NPAS1: variants seen among roughly 807,000 people sequenced by gnomAD.
The protein encoded by NPAS1 is neuronal PAS domain protein 1, also known as neuronal PAS domain-containing protein 1.
NPAS1 carries 29 observed loss-of-function variants against 49.2 expected under a neutral mutation model. The observed-to-expected ratio is 0.59, with a 90% CI of 0.44 to 0.80. The LOEUF (loss-of-function observed/expected upper bound fraction) is 0.80, where lower values mean the gene tolerates loss of function less well. Ranked by LOEUF, NPAS1 falls within the 30% of genes least tolerant of loss-of-function variation. The probability of loss-of-function intolerance (pLI) is 0.00; values close to 1 mark genes in which losing one functional copy is unlikely to be tolerated. For synonymous variants in NPAS1, 408 were observed against 380.4 expected, an observed-to-expected ratio of 1.07 and a Z score of -0.84; for missense variants, 825 against 835.5, an observed-to-expected ratio of 0.99 and a Z score of 0.15.
In NPAS1 at chr19:47,045,427, G is replaced by A. The variant is rs1481614401; in HGVS notation, c.1549G>A (p.Gly517Arg). The A allele has an allele frequency of 1.9e-6, 3 of 1,605,438 alleles. No individual in the cohort carries two copies. The highest frequency in any genetic ancestry group is 2.2e-5 in the South Asian group (2 of 90,372). Residue 517 changes from glycine to arginine, a missense_variant, in exon 12 of 12, where the codon GGG becomes AGG. Physicochemically the swap from Gly to Arg is moderately radical, Grantham distance 125. Coordinates refer to ENST00000602212, the MANE Select transcript of NPAS1 (RefSeq NM_002517.4). ...PVRPWGLAPP[G>R]DPPPTLLHAG... Reference sequence around the variant, plus strand: ...GCGGCCATGGGGCCTGGCGCCTCCCGGGGACCCCCCGCCCACCCTCCTGCA... The same window carrying A: ...GCGGCCATGGGGCCTGGCGCCTCCCAGGGACCCCCCGCCCACCCTCCTGCA...
intron 1 of NPAS1, 80 bp from the exon 2 acceptor site, chr19:47,020,926 T>G: frequency 2.9e-6 from 1 of 348,016 alleles, no homozygotes; most frequent in Non-Finnish European, 4.8e-6. Context: ...GCTGGGACCC[T>G]GAGCCCTGCA....
At chr19:47,040,393 C>A in intron 8 of NPAS1, 51 bp from the exon 9 acceptor site, 1 of 1,310,184 alleles carries the variant, frequency 7.6e-7, no homozygotes, top group Non-Finnish European at 1.1e-6. Flanking sequence ...CTCTGCCTCT[C>A]CCCCAACCCC....
intron 7 of NPAS1, 69 bp downstream of exon 7, chr19:47,039,220 A>G (rs1248949674): frequency 1.3e-6 from 2 of 1,505,836 alleles, no homozygotes; most frequent in Non-Finnish European, 1.8e-6. Flanking sequence ...GACCGAGGGA[A>G]CCAGGCTGGT....
chr19:47,038,847 G>A lies in NPAS1; in HGVS notation c.689-189G>A, dbSNP rs535075090. 6.6e-5 allele frequency among the ~76,000 whole-genome samples: 10 copies of A among 152,108 alleles called. No homozygotes were observed. The East Asian group carries it at 7.7e-4, about 12-fold the overall frequency. On this transcript the variant is annotated intron_variant, in intron 6 of 11. Coordinates refer to ENST00000602212, the MANE Select transcript of NPAS1 (RefSeq NM_002517.4). Reference sequence around the variant, plus strand: ...TCTCAAAAAAAAAAAGAAAGGATGCGGATGGCTGCCACATAGGGGAGCCCA... The same window carrying A: ...TCTCAAAAAAAAAAAGAAAGGATGCAGATGGCTGCCACATAGGGGAGCCCA...
intron 11 of NPAS1, among the ~76,000 whole-genome samples, chr19:47,044,761 G>C (rs1217926768): frequency 2.0e-5 from 3 of 152,192 alleles, no homozygotes; most frequent in Non-Finnish European, 4.4e-5. Flanking sequence ...CGGGCACAGT[G>C]GCTCACGCCT....
rs1024111200 is a variant in NPAS1, at chr19:47,021,260, A to T, written c.122+91A>T. 8.3e-7 allele frequency: 1 copy of T among 1,208,232 alleles called. No homozygotes were observed. The highest frequency in any genetic ancestry group is 1.1e-6 in the Non-Finnish European group (1 of 887,120). The allele number at this position is 1,208,232 out of a possible 1,614,324, so 74.8% of individuals were successfully genotyped here. On this transcript the variant is annotated intron_variant, in intron 2 of 11. Transcript: ENST00000602212. The surrounding 1 kb of genome is among the most constrained non-coding windows in gnomAD (Gnocchi z 5.7). ...GTCCCCGTGCCAAGGGGCAGTTCAC[A>T]CCCAGCTCCCTGACCCGCCCCTTAG...
chr19:47,028,280 G>T (rs1193343412), intron 3 of NPAS1, among the ~76,000 whole-genome samples: 4 of 152,020 alleles, frequency 2.6e-5, no homozygotes, highest in African/African-American at 9.7e-5. Flanking sequence ...TGAGGGAGGG[G>T]GTCCCCGTCA....
intron 10 of NPAS1, 47 bp downstream of exon 10, chr19:47,041,172 G>A: frequency 6.8e-7 from 1 of 1,478,236 alleles, no homozygotes. Flanking sequence ...GGGCCCTGCT[G>A]TCTCTCCCCA....
Position 47,020,986 on chromosome 19 carries a change from CT to C in NPAS1, c.-42-19del, listed in dbSNP as rs1725792220. The stretch of plus-strand genomic sequence containing the variant: ...CTCCCGAGGGCACTAAGCGTTGCCC[CT>C]GGCCCCCTCCCGCTGCAGGAGACTC... On this transcript the variant is annotated intron_variant, in intron 1 of 11. Transcript: ENST00000602212. 3.3e-6 allele frequency: 5 copies of C among 1,504,290 alleles called. No homozygotes were observed. The highest frequency in any genetic ancestry group is 1.2e-5 in the South Asian group (1 of 80,272). The allele number at this position is 1,504,290 out of a possible 1,614,324, so 93.2% of individuals were successfully genotyped here.
chr19:47,039,711 T>TGGGGAGAAGGGAGGGAAGGCA, intron 8 of NPAS1, 147 bp downstream of exon 8: 2 of 938,742 alleles, frequency 2.1e-6, no homozygotes, highest in Admixed American at 3.1e-5. Context: ...GACAGGGTGA[T>TGGGGAGAAGGGAGGGAAGGCA]GGGGAGAAGG....
intron 6 of NPAS1, among the ~76,000 whole-genome samples, chr19:47,037,900 C>A (rs1189460073): frequency 6.6e-6 from 1 of 152,174 alleles, no homozygotes; most frequent in Non-Finnish European, 1.5e-5. Context: ...ATTCCCCAAT[C>A]CCCTGTTCTG....
chr19:47,045,246 C>T lies in NPAS1; in HGVS notation c.1368C>T (p.Pro456=), dbSNP rs767879276. Residue 456 remains proline, a synonymous_variant, in exon 12 of 12, where the codon CCC becomes CCT. Transcript: ENST00000602212. The part of the protein sequence containing the change: ...KQAAPAENEA[P]QTQGKRIKVE... ...CTGCCCCAGCGGAGAACGAGGCCCC[C>T]CAGACCCAGGGCAAACGCATCAAAG... 5 of 1,613,874 alleles carry T rather than the reference C, an allele frequency of 3.1e-6. No individual in the cohort carries two copies. In the African/African-American group the frequency reaches 4.0e-5, roughly 13 times the overall value.
intron 3 of NPAS1, among the ~76,000 whole-genome samples, chr19:47,022,932 A>G (rs1416745216): frequency 6.6e-6 from 1 of 152,212 alleles, no homozygotes; most frequent in Non-Finnish European, 1.5e-5. Context: ...AGGATAAGGC[A>G]GTGTGAGTGG....
chr19:47,045,560 C>T lies in NPAS1; in HGVS notation c.1682C>T (p.Pro561Leu). The T allele has an allele frequency of 8.0e-6, 12 of 1,506,356 alleles. No individual in the cohort carries two copies. The highest frequency in any genetic ancestry group is 2.3e-4 in the Middle Eastern group (1 of 4,260). 93.3% of individuals were successfully genotyped at this position (1,506,356 alleles called of 1,614,324 possible). A position where few individuals can be genotyped will look rare whatever the true frequency, so the allele number is the denominator to read the frequency against. The change falls in exon 12 of 12, where the codon CCG becomes CTG. Residue 561 changes from proline (P) to leucine (L), a missense_variant. By Grantham distance (98) the Pro-to-Leu change is moderately conservative (BLOSUM62 -3). Transcript: ENST00000602212. ...TACCCGCACCTGCAGAGGCTGGGTC[C>T]GGGCCCCGCGCTCCCGGAGGCCTTT... is the stretch of plus-strand genomic sequence containing the variant. ...LVYPHLQRLGPGPALPEAFYP... is the reference protein window; with the variant it reads ...LVYPHLQRLGLGPALPEAFYP...
chr19:47,025,964 G>C (rs1223295356), intron 3 of NPAS1, among the ~76,000 whole-genome samples: 2 of 151,326 alleles, frequency 1.3e-5, no homozygotes, highest in African/African-American at 4.9e-5. Flanking sequence ...TTTTGAGACA[G>C]AGTCTTGCTC....
intron 3 of NPAS1, among the ~76,000 whole-genome samples, chr19:47,026,744 CAGG>C (rs971394288): frequency 6.6e-6 from 1 of 152,098 alleles, no homozygotes; most frequent in African/African-American, 2.4e-5. Context: ...CACCTGAGGT[CAGG>C]AGTTCAAGAC....
At chr19:47,023,545 C>G (rs938886169) in intron 3 of NPAS1, among the ~76,000 whole-genome samples, 11 of 152,256 alleles carry the variant, frequency 7.2e-5, no homozygotes, top group African/African-American at 2.4e-4. Context: ...TAACAAGAGG[C>G]GAAGCACCTG....
intron 10 of NPAS1, among the ~76,000 whole-genome samples, chr19:47,042,516 T>A (rs1401950585): frequency 1.3e-5 from 2 of 151,884 alleles, no homozygotes; most frequent in African/African-American, 2.4e-5. Flanking sequence ...GAACAGCAGG[T>A]TTGAAAGGAA....
intron 7 of NPAS1, 128 bp downstream of exon 7, chr19:47,039,279 C>A (rs1427821905): frequency 1.4e-6 from 2 of 1,473,192 alleles, no homozygotes; most frequent in African/African-American, 1.4e-5. Flanking sequence ...GGGAATGGGA[C>A]TGGGGGGGTC....
Sources: allele counts gnomAD v4.1 joint callset (sites outside exome capture counted in the v4.1 genomes callset), GRCh38; gene constraint gnomAD v4.1.1; non-coding constraint Gnocchi (gnomAD v3.1); transcripts MANE v1.5; gene names NCBI Gene and HGNC (gene_info 2026-07-23, HGNC 2026-07-21).